Variants in RFX4 observed in about 807,000 individuals in gnomAD.
RFX4 encodes regulatory factor X4.
Under a neutral mutation model 95.0 loss-of-function variants are expected in RFX4, and 10 were observed. That is an observed-to-expected ratio of 0.11 (90% CI 0.06 to 0.18). The LOEUF is 0.18. Among genes scored for constraint, RFX4 ranks in the 10% least tolerant of loss-of-function variants. The probability of loss-of-function intolerance (pLI) is 1.00; values close to 1 mark genes in which losing one functional copy is unlikely to be tolerated. For missense variants in RFX4, 640 were observed against 922.0 expected (o/e 0.69, Z 3.96); for synonymous variants, 321 against 340.7 (o/e 0.94, Z 0.64).
intron 1 of RFX4, among the ~76,000 whole-genome samples, chr12:106,587,530 A>G (rs1239722354): frequency 6.6e-6 from 1 of 152,170 alleles, no homozygotes; most frequent in African/African-American, 2.4e-5. Context: ...CCTGCTTCCC[A>G]GAGGCTCCGA....
Position 106,602,207 on chromosome 12 carries a change from C to CA in RFX4, c.44-6588dup, listed in dbSNP as rs1175552576. 2.0e-5 allele frequency among the ~76,000 whole-genome samples: 3 copies of CA among 152,290 alleles called. No individual in the cohort carries two copies. The East Asian group carries it at 5.8e-4, about 29-fold the overall frequency. On this transcript the variant is annotated intron_variant, in intron 1 of 17. Coordinates refer to ENST00000392842, the MANE Select transcript of RFX4 (RefSeq NM_213594.3). ...AAGTCTCTGCTTCAGTTGCTGCGAG[C>CA]AACAGAGATGAAGCATGTGGAGCGG...
At chr12:106,589,744 G>T (rs2039511674) in intron 1 of RFX4, among the ~76,000 whole-genome samples, 2 of 152,182 alleles carry the variant, frequency 1.3e-5, no homozygotes, top group South Asian at 4.1e-4. Context: ...GGAAACAGAT[G>T]GATGAGAGTG....
At chr12:106,647,131 T>C (rs1447695539) in intron 3 of RFX4, among the ~76,000 whole-genome samples, 1 of 152,186 alleles carries the variant, frequency 6.6e-6, no homozygotes, top group Non-Finnish European at 1.5e-5. Context: ...ACTGTCAGTT[T>C]CTTAAAGGCT....
At chr12:106,713,472 G>C (rs1447641315) in intron 10 of RFX4, among the ~76,000 whole-genome samples, 1 of 152,214 alleles carries the variant, frequency 6.6e-6, no homozygotes, top group Non-Finnish European at 1.5e-5. Context: ...TGTAGATAAA[G>C]TGGTCAGAGA....
At chr12:106,697,945 G>A (rs762874529) in intron 8 of RFX4, among the ~76,000 whole-genome samples, 19 of 151,760 alleles carry the variant, frequency 1.3e-4, no homozygotes, top group East Asian at 1.9e-4. Context: ...GTGTGTGTTC[G>A]TGTGTGTTTA....
intron 17 of RFX4, 44 bp downstream of exon 17, chr12:106,750,837 T>C: frequency 1.3e-6 from 2 of 1,482,582 alleles, no homozygotes; most frequent in Non-Finnish European, 1.8e-6. Flanking sequence ...TTGGTATACT[T>C]GGTGCCAAAT....
chr12:106,736,909 A>G (rs1189032273), intron 15 of RFX4, among the ~76,000 whole-genome samples: 3 of 151,986 alleles, frequency 2.0e-5, no homozygotes, highest in Admixed American at 6.6e-5. Flanking sequence ...TGCCTCCTCA[A>G]AGTGCTGGGG....
chr12:106,725,095 A>G (rs1351310420), intron 13 of RFX4, among the ~76,000 whole-genome samples: 4 of 152,108 alleles, frequency 2.6e-5, no homozygotes, highest in African/African-American at 9.7e-5. Flanking sequence ...GCTGTGTAAT[A>G]AATTACCTAG....
intron 1 of RFX4, among the ~76,000 whole-genome samples, chr12:106,602,607 T>G (rs2039735180): frequency 6.6e-6 from 1 of 152,150 alleles, no homozygotes. Context: ...TGAGCCTTCT[T>G]GCCATTCCTC....
chr12:106,699,095 A>C (rs1405601770), intron 8 of RFX4, among the ~76,000 whole-genome samples: 1 of 152,006 alleles, frequency 6.6e-6, no homozygotes, highest in Non-Finnish European at 1.5e-5. Flanking sequence ...ACAGATTTTG[A>C]TATGTTGGAT....
At chr12:106,690,748 G>C (rs2041763978) in intron 7 of RFX4, among the ~76,000 whole-genome samples, 1 of 152,160 alleles carries the variant, frequency 6.6e-6, no homozygotes, top group Admixed American at 6.5e-5. Flanking sequence ...CCATGGACGG[G>C]AGCTGGTCCC....
intron 2 of RFX4, among the ~76,000 whole-genome samples, chr12:106,637,219 C>T (rs1040648897): frequency 1.3e-5 from 2 of 152,072 alleles, no homozygotes; most frequent in African/African-American, 2.4e-5. Context: ...TCTAAACTGG[C>T]GTTCTACAAA....
At chr12:106,639,756 T>C (rs2040581911) in intron 3 of RFX4, among the ~76,000 whole-genome samples, 1 of 152,334 alleles carries the variant, frequency 6.6e-6, no homozygotes, top group African/African-American at 2.4e-5. Flanking sequence ...GAATTACAAT[T>C]GTATATAATT....
In RFX4 at chr12:106,598,400, A is replaced by G. The variant is rs374194079; in HGVS notation, c.44-10397A>G. Among the ~76,000 whole-genome samples, 20 of 152,316 alleles carry G rather than the reference A, an allele frequency of 1.3e-4. No individual in the cohort carries two copies. The East Asian group carries it at 1.3e-3, about 10-fold the overall frequency. On this transcript the variant is annotated intron_variant, in intron 1 of 17. Transcript: ENST00000392842. ...GAACATTAAGAGAAAAACGAATGGA[A>G]ATGCTATGTTTGCTAGAGTTACAGT... is the stretch of plus-strand genomic sequence containing the variant.
At chr12:106,747,359 AG>A (rs775973835) in intron 15 of RFX4, 77 bp from the exon 16 acceptor site, 103 of 1,524,222 alleles carry the variant, frequency 6.8e-5, no homozygotes, top group Non-Finnish European at 8.0e-5. Flanking sequence ...TTAAGAACAA[AG>A]GGAAGCCACT....
intron 8 of RFX4, among the ~76,000 whole-genome samples, chr12:106,704,917 C>G (rs2137478305): frequency 6.6e-6 from 1 of 152,092 alleles, no homozygotes; most frequent in East Asian, 1.9e-4. Flanking sequence ...GCCTGAAATG[C>G]CAAAGGAATA....
intron 17 of RFX4, among the ~76,000 whole-genome samples, chr12:106,757,823 A>G (rs2043137282): frequency 6.6e-6 from 1 of 152,184 alleles, no homozygotes. Flanking sequence ...CTTGGTGTGG[A>G]GAGTCATTTC....
chr12:106,733,000 A>G lies in RFX4; in HGVS notation c.1548A>G (p.Ala516=). 1 of 1,614,184 alleles carries G rather than the reference A, an allele frequency of 6.2e-7. No homozygotes were observed. Residue 516 remains alanine, a synonymous_variant, in exon 15 of 18, where the codon GCA becomes GCG. Transcript: ENST00000392842. ...CACCAGTGCCATCGTTTTCTCCAGCAAAATCTGCCACATCTGTGGAAGTGC... is the reference window on the plus strand; with the variant it reads ...CACCAGTGCCATCGTTTTCTCCAGCGAAATCTGCCACATCTGTGGAAGTGC... ...TPSPVPSFSP[A]KSATSVEVPP...
chr12:106,703,471 T>A (rs939996315), intron 8 of RFX4, among the ~76,000 whole-genome samples: 3 of 152,220 alleles, frequency 2.0e-5, no homozygotes, highest in African/African-American at 7.2e-5. Context: ...ATTATATACG[T>A]AGGAGCCATT....
Sources: gnomAD v4.1 joint callset for allele counts (sites outside exome capture counted in the v4.1 genomes callset) on GRCh38, gnomAD v4.1.1 for gene constraint, MANE v1.5 for transcripts, NCBI Gene and HGNC (gene_info 2026-07-23, HGNC 2026-07-21) for gene names.